The following ATP10A variants were observed in gnomAD, a reference collection of about 807,000 sequenced individuals.
The protein encoded by ATP10A is phospholipid-transporting ATPase VA.
A neutral mutation model predicts 147.8 loss-of-function variants in ATP10A; 111 were observed. The observed-to-expected ratio is 0.75, with a 90% CI of 0.64 to 0.88. The LOEUF (loss-of-function observed/expected upper bound fraction) is 0.88, where lower values mean the gene tolerates loss of function less well. ATP10A is among the 40% of genes least tolerant of loss of function. ATP10A has a pLI of 0.00. For missense variants in ATP10A, 1,927 were observed against 1,959.0 expected, an observed-to-expected ratio of 0.98 and a Z score of 0.31; for synonymous variants, 875 against 841.6, an observed-to-expected ratio of 1.04 and a Z score of -0.69.
At chr15:25,827,179 C>A (rs566453685) in intron 1 of ATP10A, among the ~76,000 whole-genome samples, 1 of 152,116 alleles carries the variant, frequency 6.6e-6, no homozygotes, top group South Asian at 2.1e-4. Flanking sequence ...AAAAACTACA[C>A]AAAATACATA....
rs1893852654 is a variant in ATP10A at position 25,863,146 on chromosome 15, C to G, written c.-50G>C. The G allele has an allele frequency of 9.1e-7, 1 of 1,100,186 alleles. No individual in the cohort carries two copies. Among genetic ancestry groups the G allele is most frequent in the Non-Finnish European group, 1.1e-6 (1 of 902,376 alleles). 68.2% of individuals were successfully genotyped at this position (1,100,186 alleles called of 1,614,324 possible). On this transcript the variant is annotated 5_prime_UTR_variant, in exon 1 of 21. Transcript: ENST00000555815. ...CCTCCGCCGCTCACGCCCGCCCGCGCCGGCCTCTTAGGTTATCATCACTCG... is the reference window on the plus strand; with the variant it reads ...CCTCCGCCGCTCACGCCCGCCCGCGGCGGCCTCTTAGGTTATCATCACTCG...
intron 1 of ATP10A, among the ~76,000 whole-genome samples, chr15:25,815,728 C>T (rs1249826891): frequency 7.7e-6 from 1 of 129,346 alleles, no homozygotes; most frequent in African/African-American, 2.8e-5. Context: ...GCTTTTTCCA[C>T]GAAAATAAAA....
chr15:25,759,798 T>C (rs1486840332), intron 2 of ATP10A, among the ~76,000 whole-genome samples: 1 of 103,766 alleles, frequency 9.6e-6, no homozygotes, highest in Non-Finnish European at 2.4e-5. Context: ...GGAGACCCTG[T>C]CTCAAAAAAA....
intron 2 of ATP10A, among the ~76,000 whole-genome samples, chr15:25,742,815 TATTTGTACTTA>T (rs1411883026): frequency 6.6e-6 from 1 of 152,162 alleles, no homozygotes; most frequent in African/African-American, 2.4e-5. Context: ...CTCTTGAACG[TATTTGTACTTA>T]ATCCAACAGG....
At chr15:25,694,689 C>T in intron 14 of ATP10A, 130 bp downstream of exon 14, 1 of 854,700 alleles carries the variant, frequency 1.2e-6, no homozygotes, top group African/African-American at 1.7e-5. Flanking sequence ...TGCTCTATCA[C>T]ACTGGGTGTG....
At chr15:25,843,804 A>T (rs1348320587) in intron 1 of ATP10A, among the ~76,000 whole-genome samples, 1 of 152,154 alleles carries the variant, frequency 6.6e-6, no homozygotes, top group Non-Finnish European at 1.5e-5. Context: ...CGCAGACCCC[A>T]CTAACTCTAG....
chr15:25,713,158 C>A (rs896887824), intron 10 of ATP10A, among the ~76,000 whole-genome samples: 1 of 152,232 alleles, frequency 6.6e-6, no homozygotes, highest in African/African-American at 2.4e-5. Flanking sequence ...ACTCCTCCGT[C>A]CTCTGAGCAC....
intron 2 of ATP10A, among the ~76,000 whole-genome samples, chr15:25,743,042 A>G (rs148936340): frequency 1.3e-5 from 2 of 152,282 alleles, no homozygotes; most frequent in African/African-American, 4.8e-5. Flanking sequence ...GCCTTGCTGG[A>G]GAAAAGGTGC....
chr15:25,855,064 A>C (rs576642678), intron 1 of ATP10A, among the ~76,000 whole-genome samples: 4,582 of 150,430 alleles, frequency 0.03, 117 homozygotes, highest in South Asian at 0.1. Context: ...CGTCTCACAA[A>C]AAAAAAAAAA....
rs558583251 is a variant in ATP10A, at chr15:25,679,580, C to T, written c.4261G>A (p.Gly1421Ser). The T allele has an allele frequency of 4.7e-5, 76 of 1,610,412 alleles. 1 individual carries two copies. The highest frequency in any genetic ancestry group is 3.8e-4 in the South Asian group (35 of 91,008). Residue 1421 changes from glycine to serine, a missense_variant, in exon 21 of 21, where the codon GGC becomes AGC. Physicochemically the swap from Gly to Ser is moderately conservative, Grantham distance 56. Transcript: ENST00000555815. Reference sequence around the variant, plus strand: ...AGGGAAGACAGGGGGGTCACCCTGCCGGTGCTGGCAGCTCTCACCTTGGAC... The same window carrying T: ...AGGGAAGACAGGGGGGTCACCCTGCTGGTGCTGGCAGCTCTCACCTTGGAC... The part of the protein sequence containing the change: ...EESKVRAAST[G>S]RVTPLSSLFS...
chr15:25,857,066 C>A (rs1893550502), intron 1 of ATP10A, among the ~76,000 whole-genome samples: 1 of 152,146 alleles, frequency 6.6e-6, no homozygotes, highest in African/African-American at 2.4e-5. Context: ...TCATTTATAG[C>A]TAATTCAAGC....
intron 1 of ATP10A, among the ~76,000 whole-genome samples, chr15:25,822,827 A>C (rs1024448257): frequency 3.1e-4 from 47 of 152,346 alleles, no homozygotes; most frequent in African/African-American, 1.1e-3. Flanking sequence ...AACTGCAGTA[A>C]GTCAAAGTTT....
chr15:25,779,221 C>T (rs1417087991), intron 2 of ATP10A, among the ~76,000 whole-genome samples: 1 of 152,220 alleles, frequency 6.6e-6, no homozygotes, highest in Non-Finnish European at 1.5e-5. Context: ...CTATCTGCGG[C>T]GTTCCCCTAC....
At chr15:25,750,702 TATATGATGATGATG>T (rs1567354797) in intron 2 of ATP10A, among the ~76,000 whole-genome samples, 1 of 69,420 alleles carries the variant, frequency 1.4e-5, no homozygotes, top group South Asian at 7.1e-4. Flanking sequence ...ACAACATATA[TATATGATGATGATG>T]ATGATGATGA....
intron 2 of ATP10A, among the ~76,000 whole-genome samples, chr15:25,742,213 G>A (rs1322451073): frequency 6.6e-6 from 1 of 152,216 alleles, no homozygotes; most frequent in Non-Finnish European, 1.5e-5. Flanking sequence ...AAGCTGACAG[G>A]GACAATGAGA....
At chr15:25,844,531 C>T (rs1423130329) in intron 1 of ATP10A, among the ~76,000 whole-genome samples, 2 of 152,164 alleles carry the variant, frequency 1.3e-5, no homozygotes, top group Admixed American at 6.5e-5. Flanking sequence ...AAATTGTTTT[C>T]TTTCAGGAAA....
chr15:25,777,096 C>CGTGTGTGTGTGTGTGTGTGT (rs34174555), intron 2 of ATP10A, among the ~76,000 whole-genome samples: 20 of 149,808 alleles, frequency 1.3e-4, no homozygotes, highest in Non-Finnish European at 2.1e-4. Flanking sequence ...TGCATACGTG[C>CGTGTGTGTGTGTGTGTGTGT]GTGTGTGTGT....
intron 1 of ATP10A, among the ~76,000 whole-genome samples, chr15:25,810,347 C>T (rs1891374156): frequency 6.6e-6 from 1 of 152,232 alleles, no homozygotes; most frequent in Non-Finnish European, 1.5e-5. Context: ...CCTACCGGGA[C>T]CAAGCCCTAG....
chr15:25,809,711 AG>A (rs10707776), intron 1 of ATP10A, among the ~76,000 whole-genome samples: 84,400 of 151,900 alleles, frequency 0.56, 24,487 homozygotes, highest in East Asian at 0.8. Context: ...CGGGCTGGGA[AG>A]GCAGGAAGAC....
Sources: gnomAD v4.1 joint callset for allele counts (sites outside exome capture counted in the v4.1 genomes callset) on GRCh38, gnomAD v4.1.1 for gene constraint, MANE v1.5 for transcripts, NCBI Gene and HGNC (gene_info 2026-07-23, HGNC 2026-07-21) for gene names.